GABRG3: variants seen among roughly 807,000 people sequenced by gnomAD.
The protein encoded by GABRG3 is gamma-aminobutyric acid type A receptor subunit gamma3, also known as gamma-aminobutyric acid receptor subunit gamma-3.
In GABRG3, 25 loss-of-function variants were observed where a neutral mutation model predicts 48.8. The ratio of observed to expected loss-of-function variants is 0.51; its 90% confidence interval spans 0.37 to 0.72. The LOEUF is 0.72. Ranked by LOEUF, GABRG3 falls within the 30% of genes least tolerant of loss-of-function variation. The pLI is 0.00. For synonymous variants in GABRG3, 227 were observed against 217.6 expected (o/e 1.04, Z -0.38); for missense variants, 394 against 577.9 (o/e 0.68, Z 3.26).
chr15:27,467,427 G>A (rs774882615), intron 5 of GABRG3, among the ~76,000 whole-genome samples: 17 of 152,286 alleles, frequency 1.1e-4, no homozygotes, highest in East Asian at 5.8e-4. Flanking sequence ...TGGGAGTCCC[G>A]TCCACATTCT....
At chr15:27,109,430 T>C (rs1897506226) in intron 3 of GABRG3, among the ~76,000 whole-genome samples, 1 of 152,190 alleles carries the variant, frequency 6.6e-6, no homozygotes, top group African/African-American at 2.4e-5. Flanking sequence ...TATCTACTGT[T>C]ACAGTATCAT....
Position 27,269,675 on chromosome 15 carries a change from C to G in GABRG3, c.271-57134C>G, listed in dbSNP as rs1401400872. On this transcript the variant is annotated intron_variant, in intron 3 of 9. Coordinates refer to ENST00000615808, the MANE Select transcript of GABRG3 (RefSeq NM_033223.5). The stretch of plus-strand genomic sequence containing the variant: ...TATTTCATCTTTTGTGTCTCAGGCC[C>G]TGCGTAGTCCTGACATTAATAGGTG... Among the ~76,000 whole-genome samples the G allele has an allele frequency of 2.0e-5, 3 of 152,166 alleles. No homozygotes were observed. The East Asian group carries it at 5.8e-4, about 29-fold the overall frequency.
intron 3 of GABRG3, among the ~76,000 whole-genome samples, chr15:27,293,544 C>T (rs1323512152): frequency 2.0e-5 from 3 of 151,920 alleles, no homozygotes; most frequent in South Asian, 2.1e-4. Flanking sequence ...GGTGTGGTAG[C>T]GTATGCCTGT....
intron 5 of GABRG3, among the ~76,000 whole-genome samples, chr15:27,379,877 A>G (rs1234376641): frequency 6.6e-6 from 1 of 152,056 alleles, no homozygotes; most frequent in Non-Finnish European, 1.5e-5. Flanking sequence ...TGCAGTTTGA[A>G]TATCATGGGC....
intron 5 of GABRG3, among the ~76,000 whole-genome samples, chr15:27,334,705 CAAA>C (rs112944127): frequency 1.4e-5 from 2 of 145,786 alleles, no homozygotes; most frequent in Non-Finnish European, 3.1e-5. Flanking sequence ...TGTCTATGGG[CAAA>C]AAAATAAGCT....
At chr15:27,036,472 A>G (rs147247958) in intron 3 of GABRG3, among the ~76,000 whole-genome samples, 2,132 of 152,272 alleles carry the variant, frequency 0.014, 41 homozygotes, top group African/African-American at 0.049. Flanking sequence ...CGGGCGGATC[A>G]TGAGGTCAGG....
chr15:27,479,437 G>A (rs1484582729), intron 5 of GABRG3, among the ~76,000 whole-genome samples: 3 of 152,152 alleles, frequency 2.0e-5, no homozygotes, highest in African/African-American at 7.2e-5. Context: ...CAGAAAGCAG[G>A]GCATGCCTGT....
At chr15:27,242,612 G>C (rs1020158913) in intron 3 of GABRG3, among the ~76,000 whole-genome samples, 3 of 152,154 alleles carry the variant, frequency 2.0e-5, no homozygotes, top group Admixed American at 2.0e-4. Flanking sequence ...AGAATCCAAT[G>C]TATTTATCAA....
intron 3 of GABRG3, among the ~76,000 whole-genome samples, chr15:27,032,917 G>T (rs1033926446): frequency 5.9e-5 from 9 of 152,142 alleles, no homozygotes; most frequent in African/African-American, 2.2e-4. Flanking sequence ...TGGTTCCCCT[G>T]CCTTTCTGCA....
chr15:27,522,193 A>C (rs1166917790), intron 7 of GABRG3, among the ~76,000 whole-genome samples: 3 of 151,994 alleles, frequency 2.0e-5, no homozygotes, highest in African/African-American at 7.2e-5. Context: ...GGAGACCAGA[A>C]GATAGTCAGT....
chr15:27,004,458 T>G (rs180785895), intron 2 of GABRG3, among the ~76,000 whole-genome samples: 1,570 of 148,422 alleles, frequency 0.011, 26 homozygotes, highest in African/African-American at 0.037. Context: ...CTCCCCACTT[T>G]CCGGACTGGG....
At chr15:27,349,358 G>A (rs1056999414) in intron 5 of GABRG3, among the ~76,000 whole-genome samples, 3 of 152,122 alleles carry the variant, frequency 2.0e-5, no homozygotes, top group African/African-American at 7.2e-5. Flanking sequence ...GTAAAATGAA[G>A]CTTGAATTTC....
At chr15:27,265,896 T>TTTTTTTTTTG (rs1566986155) in intron 3 of GABRG3, among the ~76,000 whole-genome samples, 1 of 150,632 alleles carries the variant, frequency 6.6e-6, no homozygotes, top group Non-Finnish European at 1.5e-5. Context: ...TTTTTTTTTT[T>TTTTTTTTTTG]TGAGAGTGAC....
rs1327633356 is a variant in GABRG3 at position 27,352,413 on chromosome 15, C to T, written c.574+23525C>T. Among the ~76,000 whole-genome samples, 1 of 151,864 alleles carries T rather than the reference C, an allele frequency of 6.6e-6. No individual in the cohort carries two copies. The highest frequency in any genetic ancestry group is 2.4e-5 in the African/African-American group (1 of 41,276). On this transcript the variant is annotated intron_variant, in intron 5 of 9. Coordinates refer to ENST00000615808, the MANE Select transcript of GABRG3 (RefSeq NM_033223.5). The surrounding 1 kb of genome is among the most constrained non-coding windows in gnomAD (Gnocchi z 4.0). ...GTTAGCTGAAGCTTAGAAAAATAAC[C>T]CAGGAAATCCCACAAGATGTAAATC...
At chr15:27,328,686 C>T (rs1468206606) in intron 4 of GABRG3, 120 bp from the exon 5 acceptor site, 6 of 712,952 alleles carry the variant, frequency 8.4e-6, no homozygotes, top group African/African-American at 3.5e-5. Context: ...AAGAGTGAGC[C>T]GCACATGCTG....
At chr15:27,341,508 C>A (rs1894176895) in intron 5 of GABRG3, among the ~76,000 whole-genome samples, 1 of 152,170 alleles carries the variant, frequency 6.6e-6, no homozygotes, top group Admixed American at 6.5e-5. Context: ...CTGCACACTT[C>A]CGTAGGTACA....
At chr15:27,454,089 C>T (rs537048746) in intron 5 of GABRG3, among the ~76,000 whole-genome samples, 2 of 152,352 alleles carry the variant, frequency 1.3e-5, no homozygotes, top group Admixed American at 6.5e-5. Context: ...CAGGCTCACC[C>T]AGAAGTTAGA....
chr15:27,398,688 A>ACACACACACACACC (rs1234185392), intron 5 of GABRG3, among the ~76,000 whole-genome samples: 1 of 151,854 alleles, frequency 6.6e-6, no homozygotes, highest in African/African-American at 2.4e-5. Context: ...ACACACACAC[A>ACACACACACACACC]CCCCTCTATT....
intron 3 of GABRG3, among the ~76,000 whole-genome samples, chr15:27,136,189 A>T (rs2080121): frequency 0.85 from 128,886 of 152,196 alleles, 55,329 homozygotes; most frequent in Non-Finnish European, 0.9. Flanking sequence ...ATGCAGTGAT[A>T]AAACATTTTA....
Sources: gnomAD v4.1 joint callset for allele counts (sites outside exome capture counted in the v4.1 genomes callset) on GRCh38, gnomAD v4.1.1 for gene constraint, Gnocchi (gnomAD v3.1) non-coding constraint, MANE v1.5 for transcripts, NCBI Gene and HGNC (gene_info 2026-07-23, HGNC 2026-07-21) for gene names.